The following SDR16C5 variants were observed in gnomAD, a reference collection of about 807,000 sequenced individuals.
SDR16C5 encodes epidermal retinol dehydrogenase 2.
SDR16C5 carries 20 observed loss-of-function variants against 27.7 expected under a neutral mutation model. The observed-to-expected ratio is 0.72, with a 90% CI of 0.51 to 1.05. The LOEUF is 1.05. Ranked by LOEUF, SDR16C5 falls within the 50% of genes least tolerant of loss-of-function variation. The pLI is 0.00. For synonymous variants in SDR16C5, 139 were observed against 132.3 expected, an observed-to-expected ratio of 1.05 and a Z score of -0.35; for missense variants, 374 against 366.3, an observed-to-expected ratio of 1.02 and a Z score of -0.17.
intron 6 of SDR16C5, 48 bp from the exon 7 acceptor site, chr8:56,301,621 C>A: frequency 7.4e-7 from 1 of 1,358,200 alleles, no homozygotes. Flanking sequence ...TTCATGAAAG[C>A]CTCTTTACCA....
At chr8:56,306,959 A>G in intron 4 of SDR16C5, 139 bp from the exon 5 acceptor site, 2 of 727,108 alleles carry the variant, frequency 2.8e-6, no homozygotes, top group Non-Finnish European at 4.3e-6. Context: ...GTCTACTCCC[A>G]CTGGAAGAAG....
intron 3 of SDR16C5, 83 bp downstream of exon 3, chr8:56,312,074 A>G (rs1815057170): frequency 2.5e-6 from 3 of 1,221,124 alleles, no homozygotes; most frequent in Non-Finnish European, 2.4e-6. Flanking sequence ...TTAGAGGCTA[A>G]TAATATTGTA....
At position 56,301,248 on chromosome 8, in the gene SDR16C5, G is replaced by T. The variant is rs958035335; in HGVS notation, c.*232C>A. 2.4e-5 allele frequency: 10 copies of T among 424,648 alleles called. No individual in the cohort carries two copies. The Admixed American group carries it at 3.7e-4, about 16-fold the overall frequency. The allele number at this position is 424,648 out of a possible 1,614,324, so 26.3% of individuals were successfully genotyped here. A position where few individuals can be genotyped will look rare whatever the true frequency, so the allele number is the denominator to read the frequency against. ...GTAATGGAAATGACAAAAATGGGCT[G>T]TCTTTATTTTTGGAAAAAAAAAGAA... On this transcript the variant is annotated 3_prime_UTR_variant, in exon 7 of 7. Transcript: ENST00000303749.
At chr8:56,303,542 A>G (rs932651306) in intron 6 of SDR16C5, among the ~76,000 whole-genome samples, 7 of 152,104 alleles carry the variant, frequency 4.6e-5, no homozygotes, top group African/African-American at 1.7e-4. Context: ...TTGTAACCCT[A>G]AGCGCAGATC....
In SDR16C5 at chr8:56,316,094, C is replaced by G; in HGVS notation, c.254G>C (p.Arg85Pro). ...GTGCACTCTTGTGGCTCCAGCTTCC[C>G]GAGCCATCTTACATGTTTCCTCATT... Reference protein sequence around the residue: ...EGNEETCKMAREAGATRVHAY... With the variant: ...EGNEETCKMAPEAGATRVHAY... Residue 85 changes from arginine (R) to proline (P), a missense_variant, in exon 2 of 7, where the codon CGG becomes CCG. Transcript: ENST00000303749. The G allele has an allele frequency of 6.2e-7, 1 of 1,614,084 alleles. No homozygotes were observed. Among genetic ancestry groups the G allele is most frequent in the Non-Finnish European group, 8.5e-7 (1 of 1,179,980 alleles).
In SDR16C5 at chr8:56,300,685, C is replaced by G. The variant is rs1344211093; in HGVS notation, c.*795G>C. 6.6e-6 allele frequency: 1 copy of G among 152,154 alleles called. No individual in the cohort carries two copies. Among genetic ancestry groups the G allele is most frequent in the Non-Finnish European group, 1.5e-5 (1 of 68,034 alleles). The allele number at this position is 152,154 out of a possible 1,614,324, so 9.4% of individuals were successfully genotyped here. Reference sequence around the variant, plus strand: ...TAAGTTGAACACTTAACTTTAATTGCACGAATATATTTTTTGGATCAATAG... The same window carrying G: ...TAAGTTGAACACTTAACTTTAATTGGACGAATATATTTTTTGGATCAATAG... On this transcript the variant is annotated 3_prime_UTR_variant, in exon 7 of 7. Coordinates refer to ENST00000303749, the MANE Select transcript of SDR16C5 (RefSeq NM_138969.4).
Position 56,301,183 on chromosome 8 carries a change from G to T in SDR16C5, c.*297C>A. On this transcript the variant is annotated 3_prime_UTR_variant, in exon 7 of 7. Transcript: ENST00000303749. ...ACCTCCCCAACGACCAAAGCTCAGGGCAGCTCATGGCCATGGCTTATCACT... is the reference window on the plus strand; with the variant it reads ...ACCTCCCCAACGACCAAAGCTCAGGTCAGCTCATGGCCATGGCTTATCACT... 1 of 270,070 alleles carries T rather than the reference G, an allele frequency of 3.7e-6. No homozygotes were observed. Among genetic ancestry groups the T allele is most frequent in the East Asian group, 8.3e-5 (1 of 12,036 alleles). 16.7% of individuals were successfully genotyped at this position (270,070 alleles called of 1,614,324 possible).
In SDR16C5 at chr8:56,305,720, C is replaced by A; in HGVS notation, c.713G>T (p.Cys238Phe). ...TGMFEGCTTG[C>F]PSLLPILEPK... is the part of the protein sequence containing the mutation. Reference sequence around the variant, plus strand: ...TTCCAGAATTGGCAACAGAGAAGGACAGCTAGGATATAAAATGACAACAAT... The same window carrying A: ...TTCCAGAATTGGCAACAGAGAAGGAAAGCTAGGATATAAAATGACAACAAT... The change falls in exon 6 of 7, where the codon TGT (cysteine) becomes TTT (phenylalanine). Residue 238 changes from cysteine to phenylalanine, a missense_variant and splice_region_variant. Physicochemically the swap from Cys to Phe is radical, Grantham distance 205 (BLOSUM62 -2). Transcript: ENST00000303749. 6.3e-7 allele frequency: 1 copy of A among 1,580,640 alleles called. No individual in the cohort carries two copies. The highest frequency in any genetic ancestry group is 8.5e-7 in the Non-Finnish European group (1 of 1,170,574).
At chr8:56,315,483 C>G (rs946825070) in intron 2 of SDR16C5, among the ~76,000 whole-genome samples, 3 of 152,146 alleles carry the variant, frequency 2.0e-5, no homozygotes, top group Admixed American at 2.0e-4. Context: ...GGAGTGGACA[C>G]AGCCTAAATT....
intron 3 of SDR16C5, chr8:56,309,313 A>G (rs1356494895): frequency 2.0e-6 from 2 of 985,244 alleles, no homozygotes; most frequent in African/African-American, 1.7e-5. Context: ...CAAGAATTGA[A>G]GGAGTAAATC....
intron 5 of SDR16C5, 21 bp downstream of exon 5, chr8:56,306,655 G>GGTCGCCGT: frequency 6.4e-7 from 1 of 1,550,786 alleles, no homozygotes; most frequent in South Asian, 1.2e-5. Flanking sequence ...TAGATTCTTT[G>GGTCGCCGT]AAATTAAAGG....
chr8:56,318,263 G>A (rs555982155), intron 1 of SDR16C5, among the ~76,000 whole-genome samples: 1 of 152,276 alleles, frequency 6.6e-6, no homozygotes, highest in African/African-American at 2.4e-5. Flanking sequence ...AATGAAGAAC[G>A]TTTTCATCCA....
At chr8:56,318,723 C>G (rs187612694) in intron 1 of SDR16C5, among the ~76,000 whole-genome samples, 1 of 152,142 alleles carries the variant, frequency 6.6e-6, no homozygotes, top group Admixed American at 6.5e-5. Flanking sequence ...CAGTGTTCCA[C>G]TGTCTCAATG....
chr8:56,309,369 T>G, intron 3 of SDR16C5: 1 of 985,434 alleles, frequency 1.0e-6, no homozygotes, highest in Non-Finnish European at 1.2e-6. Flanking sequence ...CATGATGCTT[T>G]AGATTTAGAT....
chr8:56,301,889 G>A (rs1814765946), intron 6 of SDR16C5, among the ~76,000 whole-genome samples: 1 of 152,028 alleles, frequency 6.6e-6, no homozygotes, highest in Admixed American at 6.5e-5. Flanking sequence ...ATGCGCTTTG[G>A]GGGCAGATGA....
chr8:56,317,978 G>A (rs1815242388), intron 1 of SDR16C5, among the ~76,000 whole-genome samples: 1 of 152,190 alleles, frequency 6.6e-6, no homozygotes, highest in East Asian at 1.9e-4. Flanking sequence ...ATCGTTATAA[G>A]CCATAGTGTT....
At chr8:56,301,635 C>G in intron 6 of SDR16C5, 62 bp from the exon 7 acceptor site, 1 of 1,240,238 alleles carries the variant, frequency 8.1e-7, no homozygotes, top group Non-Finnish European at 1.2e-6. Flanking sequence ...TTTACCACCT[C>G]TACTGAAAAG....
chr8:56,301,943 G>A (rs1814767436), intron 6 of SDR16C5, among the ~76,000 whole-genome samples: 1 of 152,196 alleles, frequency 6.6e-6, no homozygotes, highest in African/African-American at 2.4e-5. Context: ...TGCCGCCTTA[G>A]GCAATCGACT....
intron 6 of SDR16C5, among the ~76,000 whole-genome samples, chr8:56,302,015 C>T (rs959593672): frequency 6.6e-6 from 1 of 152,200 alleles, no homozygotes; most frequent in African/African-American, 2.4e-5. Flanking sequence ...CTTTCTGGCG[C>T]TACTGTGAGG....
Sources: gnomAD v4.1 joint callset for allele counts (sites outside exome capture counted in the v4.1 genomes callset) on GRCh38, gnomAD v4.1.1 for gene constraint, MANE v1.5 for transcripts, NCBI Gene and HGNC (gene_info 2026-07-23, HGNC 2026-07-21) for gene names.